The following GLO1 variants were observed in gnomAD, a reference collection of about 807,000 sequenced individuals.
GLO1 encodes the protein lactoylglutathione lyase.
Under a neutral mutation model 26.0 loss-of-function variants are expected in GLO1, and 28 were observed. That is an observed-to-expected ratio of 1.08 (90% confidence interval 0.80 to 1.48). The LOEUF (loss-of-function observed/expected upper bound fraction) is 1.48. Ranked by LOEUF, GLO1 falls within the 40% of genes most tolerant of loss-of-function variation. GLO1 has a pLI of 0.00. For synonymous variants in GLO1, 78 were observed against 77.6 expected (o/e 1.00, Z -0.03); for missense variants, 225 against 224.8 (o/e 1.00, Z -0.01).
intron 5 of GLO1, 110 bp from the exon 6 acceptor site, chr6:38,677,493 T>C: frequency 1.5e-6 from 1 of 645,794 alleles, no homozygotes; most frequent in Non-Finnish European, 2.7e-6. Context: ...CTGGAGTGCA[T>C]GGGATGATCA....
intron 3 of GLO1, among the ~76,000 whole-genome samples, chr6:38,683,639 G>C (rs1761416532): frequency 1.3e-5 from 2 of 152,112 alleles, no homozygotes; most frequent in African/African-American, 4.8e-5. Context: ...TGTAATCCCA[G>C]CACTTTGGGC....
intron 3 of GLO1, among the ~76,000 whole-genome samples, chr6:38,683,927 G>A (rs1350753520): frequency 1.3e-5 from 2 of 150,810 alleles, no homozygotes; most frequent in African/African-American, 4.9e-5. Flanking sequence ...AAAGACAAAT[G>A]GGCCAGGCGT....
chr6:38,681,428 T>C (rs764929406), intron 5 of GLO1, among the ~76,000 whole-genome samples: 10 of 152,202 alleles, frequency 6.6e-5, no homozygotes, highest in Non-Finnish European at 1.3e-4. Context: ...ATTTCAAATG[T>C]TTAGATTGAG....
intron 1 of GLO1, among the ~76,000 whole-genome samples, chr6:38,688,923 A>C (rs949964257): frequency 6.6e-6 from 1 of 152,240 alleles, no homozygotes; most frequent in East Asian, 1.9e-4. Flanking sequence ...CAGGAGAGAG[A>C]GAGAGCGAGC....
In GLO1 at chr6:38,676,439, G is replaced by T. The variant is rs11544277; in HGVS notation, c.*856C>A. 1 of 152,132 alleles carries T rather than the reference G, an allele frequency of 6.6e-6. No homozygotes were observed. Among genetic ancestry groups the T allele is most frequent in the Non-Finnish European group, 1.5e-5 (1 of 68,044 alleles). 9.4% of individuals were successfully genotyped at this position (152,132 alleles called of 1,614,324 possible). A position where few individuals can be genotyped will look rare whatever the true frequency, so the allele number is the denominator to read the frequency against. Reference sequence around the variant, plus strand: ...CCAGCCCAAGAGCCAAGAGCACAATGGTCAAACTCACTGAAGGTTTTTACA... The same window carrying T: ...CCAGCCCAAGAGCCAAGAGCACAATTGTCAAACTCACTGAAGGTTTTTACA... On this transcript the variant is annotated 3_prime_UTR_variant, in exon 6 of 6. Coordinates refer to ENST00000373365, the MANE Select transcript of GLO1 (RefSeq NM_006708.3).
intron 1 of GLO1, among the ~76,000 whole-genome samples, chr6:38,698,503 A>G (rs1761643803): frequency 6.7e-6 from 1 of 148,256 alleles, no homozygotes; most frequent in African/African-American, 2.5e-5. Flanking sequence ...ATATATTCAT[A>G]TATTTATATA....
At chr6:38,702,934 G>C (rs749509100) in intron 1 of GLO1, 37 bp downstream of exon 1, 39 of 1,195,122 alleles carry the variant, frequency 3.3e-5, no homozygotes, top group Non-Finnish European at 4.6e-5. Context: ...CGGCCCAGCG[G>C]AGCTGGGGGA....
intron 1 of GLO1, among the ~76,000 whole-genome samples, chr6:38,695,388 TAC>T (rs746141690): frequency 3.3e-5 from 5 of 151,908 alleles, no homozygotes; most frequent in African/African-American, 1.2e-4. Context: ...TGTATATGTA[TAC>T]ACACACACAC....
At chr6:38,683,985 G>A (rs977377669) in intron 3 of GLO1, among the ~76,000 whole-genome samples, 14 of 152,094 alleles carry the variant, frequency 9.2e-5, no homozygotes, top group South Asian at 2.1e-4. Context: ...CGAGGCGGGC[G>A]GATCACTTGA....
intron 1 of GLO1, among the ~76,000 whole-genome samples, chr6:38,696,475 G>A (rs1312237850): frequency 6.6e-6 from 1 of 152,162 alleles, no homozygotes; most frequent in African/African-American, 2.4e-5. Context: ...CCAAGATCAA[G>A]GCACTTGGAG....
Position 38,692,737 on chromosome 6 carries a change from A to G in GLO1, c.85-5763T>C, listed in dbSNP as rs560645040. 1.1e-4 allele frequency among the ~76,000 whole-genome samples: 16 copies of G among 151,474 alleles called. 1 individual carries two copies. Among genetic ancestry groups the G allele is most frequent in the South Asian group, 1.0e-3 (5 of 4,808 alleles). On this transcript the variant is annotated intron_variant, in intron 1 of 5. Transcript: ENST00000373365. ...TTTTTTTCTGAACTTAAAAAAAATA[A>G]TGAATGAGTGTTGAATTTTGTCAAA...
At chr6:38,687,938 G>C (rs1366935457) in intron 1 of GLO1, among the ~76,000 whole-genome samples, 3 of 151,500 alleles carry the variant, frequency 2.0e-5, no homozygotes, top group Non-Finnish European at 4.4e-5. Flanking sequence ...GACAAAACAG[G>C]CCTGAAAATT....
chr6:38,685,419 G>A (rs1349408743), intron 2 of GLO1, among the ~76,000 whole-genome samples: 1 of 152,288 alleles, frequency 6.6e-6, no homozygotes, highest in East Asian at 1.9e-4. Context: ...ATTTGGCAAG[G>A]AGTAAGGTGG....
At chr6:38,698,146 T>C (rs1443003166) in intron 1 of GLO1, among the ~76,000 whole-genome samples, 1 of 152,170 alleles carries the variant, frequency 6.6e-6, no homozygotes, top group Non-Finnish European at 1.5e-5. Flanking sequence ...ATGAATATAA[T>C]GGGAATTCTC....
At position 38,682,016 on chromosome 6, in the gene GLO1, A is replaced by T; in HGVS notation, c.462T>A (p.Asp154Glu). 2 of 1,477,688 alleles carry T rather than the reference A, an allele frequency of 1.4e-6. No individual in the cohort carries two copies. Among genetic ancestry groups the T allele is most frequent in the African/African-American group, 2.8e-5 (2 of 72,314 alleles). The allele number at this position is 1,477,688 out of a possible 1,614,324, so 91.5% of individuals were successfully genotyped here. The change falls in exon 5 of 6, where the codon GAT becomes GAA. Residue 154 changes from aspartate to glutamate, a missense_variant. Physicochemically the swap from Asp to Glu is conservative, Grantham distance 45 (BLOSUM62 2). Transcript: ENST00000373365. Reference sequence around the variant, plus strand: ...CACAGTAAGTAGTAGACTCACCATCATCAGGTTTCTTCACAAATTTGACTC... The same window carrying T: ...CACAGTAAGTAGTAGACTCACCATCTTCAGGTTTCTTCACAAATTTGACTC... ...ELGVKFVKKP[D>E]DGKMKGLAFI... is the part of the protein sequence containing the mutation.
intron 5 of GLO1, among the ~76,000 whole-genome samples, chr6:38,678,403 A>AG (rs879520854): frequency 0.45 from 54,188 of 121,302 alleles, 10,814 homozygotes; most frequent in Non-Finnish European, 0.48. Flanking sequence ...AGGAAGGAAA[A>AG]GAAAAGGAAA....
intron 1 of GLO1, among the ~76,000 whole-genome samples, chr6:38,689,968 G>A (rs1158084092): frequency 6.6e-6 from 1 of 152,006 alleles, no homozygotes; most frequent in Non-Finnish European, 1.5e-5. Flanking sequence ...GGGACTACAG[G>A]CGCCCGCCAC....
chr6:38,683,845 C>T (rs2127546435), intron 3 of GLO1, among the ~76,000 whole-genome samples: 1 of 151,884 alleles, frequency 6.6e-6, no homozygotes, highest in African/African-American at 2.4e-5. Context: ...CGAGATCGCG[C>T]CACTGCACTC....
chr6:38,679,650 C>G (rs146613916), intron 5 of GLO1, among the ~76,000 whole-genome samples: 1 of 151,928 alleles, frequency 6.6e-6, no homozygotes. Context: ...AAAAAATTAG[C>G]CATACATGGT....
Sources: gnomAD v4.1 joint callset for allele counts (sites outside exome capture counted in the v4.1 genomes callset) on GRCh38, gnomAD v4.1.1 for gene constraint, MANE v1.5 for transcripts, NCBI Gene and HGNC (gene_info 2026-07-23, HGNC 2026-07-21) for gene names.